MPP2: variants seen among roughly 807,000 people sequenced by gnomAD.
MPP2 encodes the protein MAGUK p55 subfamily member 2.
In MPP2, 42 loss-of-function variants were observed where a neutral mutation model predicts 58.5. That is an observed-to-expected ratio of 0.72 (90% CI 0.56 to 0.93). The LOEUF (loss-of-function observed/expected upper bound fraction) is 0.93. Ranked by LOEUF, MPP2 falls within the 40% of genes least tolerant of loss-of-function variation. The pLI is 0.00. For missense variants in MPP2, 632 were observed against 760.4 expected (o/e 0.83, Z 1.99); for synonymous variants, 300 against 307.8 (o/e 0.97, Z 0.26).
chr17:43,881,359 AC>A lies in MPP2; in HGVS notation c.814-11del. ...CTTCGACATGGCATGCCTAAAACGG[AC>A]ATGAGACCAAGATCTGCCTGAGCAA... On this transcript the variant is annotated splice_polypyrimidine_tract_variant and intron_variant, in intron 7 of 12. Transcript: ENST00000269095. The A allele has an allele frequency of 6.2e-7, 1 of 1,614,068 alleles. No homozygotes were observed. The highest frequency in any genetic ancestry group is 1.1e-5 in the South Asian group (1 of 91,082).
chr17:43,882,484 C>T lies in MPP2; in HGVS notation c.481G>A (p.Glu161Lys), dbSNP rs1370122088. ...TGCAGAATGCGCGCGATCACCAGCT[C>T]GCCGCCCTCCACGCGGAACGTTACA... ...LGVTFRVEGG[E>K]LVIARILHGG... The change falls in exon 6 of 13, where the codon GAG becomes AAG. Residue 161 changes from glutamate to lysine, a missense_variant. Transcript: ENST00000269095. 10 of 1,605,458 alleles carry T rather than the reference C, an allele frequency of 6.2e-6. No homozygotes were observed. Among genetic ancestry groups the T allele is most frequent in the Non-Finnish European group, 7.6e-6 (9 of 1,179,924 alleles).
At chr17:43,906,048 T>A in intron 1 of MPP2, 1 of 959,460 alleles carries the variant, frequency 1.0e-6, no homozygotes, top group Non-Finnish European at 1.2e-6. Context: ...GGAGGAGGGA[T>A]CCCTTCCCTC....
chr17:43,894,418 A>AATATATATATATATATAT (rs1382579250), intron 3 of MPP2, among the ~76,000 whole-genome samples: 25 of 77,346 alleles, frequency 3.2e-4, no homozygotes, highest in South Asian at 5.7e-4. Context: ...TCCATCTCAA[A>AATATATATATATATATAT]ATATATATAT....
upstream of MPP2, among the ~76,000 whole-genome samples, chr17:43,908,222 A>G (rs1351130967): frequency 6.6e-6 from 1 of 152,222 alleles, no homozygotes; most frequent in East Asian, 1.9e-4. Flanking sequence ...GGTTAAACCC[A>G]CTGGCCCGCC....
intron 2 of MPP2, 69 bp from the exon 3 acceptor site, chr17:43,898,449 A>G: frequency 1.9e-6 from 2 of 1,057,174 alleles, no homozygotes; most frequent in Admixed American, 1.9e-5. Flanking sequence ...ACACACCACA[A>G]TACTTGCCAC....
At chr17:43,900,591 A>C in intron 2 of MPP2, 1 of 1,507,606 alleles carries the variant, frequency 6.6e-7, no homozygotes, top group Non-Finnish European at 8.9e-7. Context: ...AGCGTCCTAC[A>C]CGCCGCCGTC....
chr17:43,889,805 GTTTTTTTT>G (rs869131021), intron 3 of MPP2, among the ~76,000 whole-genome samples: 1 of 37,920 alleles, frequency 2.6e-5, no homozygotes, highest in African/African-American at 6.8e-5. Context: ...GTCCAAATGC[GTTTTTTTT>G]TTTGTTTTTT....
In MPP2 at chr17:43,877,583, C is replaced by A; in HGVS notation, c.*224G>T. 1.8e-6 allele frequency: 1 copy of A among 561,538 alleles called. No homozygotes were observed. The highest frequency in any genetic ancestry group is 3.2e-6 in the Non-Finnish European group (1 of 312,468). The allele number at this position is 561,538 out of a possible 1,614,324, so 34.8% of individuals were successfully genotyped here. ...GAGATATCTGGTGACCAATGGGCATCAGGAGTGGGCAGCACCTGGGCACAA... is the reference window on the plus strand; with the variant it reads ...GAGATATCTGGTGACCAATGGGCATAAGGAGTGGGCAGCACCTGGGCACAA... On this transcript the variant is annotated 3_prime_UTR_variant, in exon 13 of 13. Coordinates refer to ENST00000269095, the MANE Select transcript of MPP2 (RefSeq NM_005374.5).
At chr17:43,897,522 TACTC>T (rs58713010) in intron 3 of MPP2, among the ~76,000 whole-genome samples, 121,421 of 151,686 alleles carry the variant, frequency 0.8, 49,602 homozygotes, top group East Asian at 1. Context: ...GCCTCCCTGA[TACTC>T]ACAGAAGGAT....
chr17:43,884,422 G>A (rs9896700), intron 3 of MPP2, among the ~76,000 whole-genome samples: 4,717 of 152,134 alleles, frequency 0.031, 202 homozygotes, highest in African/African-American at 0.096. Flanking sequence ...GTCTCACTAC[G>A]TTGCCTAGGC....
In MPP2 at chr17:43,881,063, T is replaced by A. The variant is rs1203962891; in HGVS notation, c.988+27A>T. ...AAAGGCATGCCATGTTAGAGGAGGGTAAGGGAGGGGGCGCTCTGATACCCA... is the reference window on the plus strand; with the variant it reads ...AAAGGCATGCCATGTTAGAGGAGGGAAAGGGAGGGGGCGCTCTGATACCCA... On this transcript the variant is annotated intron_variant, in intron 9 of 12. Coordinates refer to ENST00000269095, the MANE Select transcript of MPP2 (RefSeq NM_005374.5). 4 of 1,607,972 alleles carry A rather than the reference T, an allele frequency of 2.5e-6. No homozygotes were observed. In the South Asian group the frequency reaches 3.3e-5, roughly 13 times the overall value.
rs779273685 is a variant in MPP2, at chr17:43,879,335, C to T, written c.1422G>A (p.Glu474=). The T allele has an allele frequency of 3.7e-6, 6 of 1,614,050 alleles. No individual in the cohort carries two copies. In the African/African-American group the frequency reaches 6.7e-5, roughly 18 times the overall value. The change falls in exon 12 of 13, where the codon GAG becomes GAA. Residue 474 remains glutamate (E), a synonymous_variant. Transcript: ENST00000269095. This position sits in a 1 kb window ranked among gnomAD's most constrained non-coding sequence, Gnocchi z 4.1. ...CAGCCCTGTTCATGGCCCGCAGGGT[C>T]TCGAAGTCTGGGGCCTCGATGAACA... ...YVVFIEAPDF[E]TLRAMNRAAL... is the part of the protein sequence containing the mutation.
Position 43,881,569 on chromosome 17 carries a change from A to C in MPP2, c.702T>G (p.Phe234Leu). Residue 234 changes from phenylalanine (F) to leucine (L), a missense_variant, in exon 7 of 13, where the codon TTT (phenylalanine) becomes TTG (leucine). Coordinates refer to ENST00000269095, the MANE Select transcript of MPP2 (RefSeq NM_005374.5). ...GGCTGTCTCGGGCCGGGTCATAGTC[A>C]AAGTGACATTTCACAAATACCTGGG... ...LPRQVFVKCH[F>L]DYDPARDSLI... 1.2e-6 allele frequency: 2 copies of C among 1,613,994 alleles called. No homozygotes were observed. The highest frequency in any genetic ancestry group is 1.7e-6 in the Non-Finnish European group (2 of 1,179,946).
At chr17:43,899,856 G>T (rs2048014492) in intron 2 of MPP2, among the ~76,000 whole-genome samples, 1 of 152,108 alleles carries the variant, frequency 6.6e-6, no homozygotes, top group South Asian at 2.1e-4. Context: ...CAAGTTCCGG[G>T]GAAAGGAAGC....
At chr17:43,892,671 G>C (rs2047655893) in intron 3 of MPP2, among the ~76,000 whole-genome samples, 1 of 152,136 alleles carries the variant, frequency 6.6e-6, no homozygotes, top group South Asian at 2.1e-4. Flanking sequence ...GGGTCTCAGA[G>C]GGGAAGAAAC....
chr17:43,878,078 A>C, intron 12 of MPP2, 95 bp from the exon 13 acceptor site: 113 of 1,316,522 alleles, frequency 8.6e-5, no homozygotes, highest in Non-Finnish European at 1.1e-4. Context: ...CCCCTCCCCA[A>C]AGCCCAACCC....
chr17:43,881,330 C>T lies in MPP2; in HGVS notation c.833G>A (p.Gly278Asp). The change falls in exon 8 of 13, where the codon GGC (glycine) becomes GAC (aspartate). Residue 278 changes from glycine (G) to aspartate (D), a missense_variant. Transcript: ENST00000269095. ...CTGGCTGGGAATGAGCCCAGCACTGCCCCCTTCGACATGGCATGCCTAAAA... is the reference window on the plus strand; with the variant it reads ...CTGGCTGGGAATGAGCCCAGCACTGTCCCCTTCGACATGGCATGCCTAAAA... ...NWWQACHVEG[G>D]SAGLIPSQLL... 6.2e-7 allele frequency: 1 copy of T among 1,614,082 alleles called. No homozygotes were observed. The highest frequency in any genetic ancestry group is 1.1e-5 in the South Asian group (1 of 91,090).
At chr17:43,899,119 C>T (rs1034872938) in intron 2 of MPP2, among the ~76,000 whole-genome samples, 2 of 150,938 alleles carry the variant, frequency 1.3e-5, no homozygotes, top group Non-Finnish European at 3.0e-5. Context: ...TAGTGGCAGG[C>T]GCCTGTAATC....
intron 1 of MPP2, chr17:43,905,434 G>A (rs1257060600): frequency 1.3e-5 from 2 of 152,302 alleles, no homozygotes; most frequent in Non-Finnish European, 2.9e-5. Context: ...CTGGCACAAG[G>A]AGACCAAGTG....
Sources: allele counts gnomAD v4.1 joint callset (sites outside exome capture counted in the v4.1 genomes callset), GRCh38; gene constraint gnomAD v4.1.1; non-coding constraint Gnocchi (gnomAD v3.1); transcripts MANE v1.5; gene names NCBI Gene and HGNC (gene_info 2026-07-23, HGNC 2026-07-21).